CFAP96: variants seen among roughly 807,000 people sequenced by gnomAD.
The protein encoded by CFAP96 is cilia-and flagella-associated protein 96.
chr4:185,445,010 C>G, the CFAP96 span: 63 of 1,551,456 alleles, frequency 4.1e-5, no homozygotes, highest in Admixed American at 5.3e-4. Flanking sequence ...CCATCACATT[C>G]TGCTGACCCT....
chr4:185,432,088 T>A, the CFAP96 span: 1 of 1,551,764 alleles, frequency 6.4e-7, no homozygotes, highest in Non-Finnish European at 8.7e-7. Flanking sequence ...TTGTAAGGAT[T>A]TTTGAAGGTG....
the CFAP96 span, among the ~76,000 whole-genome samples, chr4:185,439,554 CA>C: frequency 6.6e-6 from 1 of 151,856 alleles, no homozygotes; most frequent in African/African-American, 2.4e-5. Flanking sequence ...AAAAAAGTAT[CA>C]ATGTTCACTG....
At chr4:185,416,896 A>G in the CFAP96 span, among the ~76,000 whole-genome samples, 1 of 152,238 alleles carries the variant, frequency 6.6e-6, no homozygotes, top group African/African-American at 2.4e-5. Flanking sequence ...CAGATTTAGA[A>G]AAATCACCAC....
the CFAP96 span, among the ~76,000 whole-genome samples, chr4:185,437,872 A>G: frequency 2.0e-5 from 3 of 152,098 alleles, no homozygotes; most frequent in Non-Finnish European, 2.9e-5. Context: ...TGAAAAATTT[A>G]TCTTGCTTTT....
chr4:185,422,157 C>T, the CFAP96 span, among the ~76,000 whole-genome samples: 1 of 152,198 alleles, frequency 6.6e-6, no homozygotes, highest in African/African-American at 2.4e-5. Flanking sequence ...ATTGTACATA[C>T]ACTTGCAAGT....
chr4:185,429,277 T>C, the CFAP96 span: 1 of 515,422 alleles, frequency 1.9e-6, no homozygotes, highest in Non-Finnish European at 3.3e-6. Context: ...AACTGGAAAT[T>C]AGTAACCACT....
the CFAP96 span, among the ~76,000 whole-genome samples, chr4:185,439,433 A>G: frequency 6.6e-6 from 1 of 152,214 alleles, no homozygotes; most frequent in Non-Finnish European, 1.5e-5. Flanking sequence ...GCAGGTTCCT[A>G]GTAGCGAAAG....
chr4:185,448,022 C>CT, the CFAP96 span, among the ~76,000 whole-genome samples: 3 of 151,998 alleles, frequency 2.0e-5, no homozygotes, highest in Non-Finnish European at 4.4e-5. Context: ...TACGTTTTGT[C>CT]TTTTTTTCCT....
At chr4:185,431,070 C>T in the CFAP96 span, among the ~76,000 whole-genome samples, 1 of 151,972 alleles carries the variant, frequency 6.6e-6, no homozygotes, top group African/African-American at 2.4e-5. Context: ...ATTAACCAGC[C>T]ATGGTGGTGC....
the CFAP96 span, among the ~76,000 whole-genome samples, chr4:185,408,923 TTA>T: frequency 6.6e-6 from 1 of 151,988 alleles, no homozygotes; most frequent in Non-Finnish European, 1.5e-5. Context: ...TCTGTCCTCT[TTA>T]TGTTTTTATT....
At chr4:185,429,620 A>C in the CFAP96 span, 1 of 660,648 alleles carries the variant, frequency 1.5e-6, no homozygotes, top group Non-Finnish European at 2.5e-6. Context: ...ATTTTAAAGC[A>C]TTTAGTTCTA....
chr4:185,447,820 T>C, the CFAP96 span, among the ~76,000 whole-genome samples: 1 of 152,216 alleles, frequency 6.6e-6, no homozygotes, highest in South Asian at 2.1e-4. Flanking sequence ...TCTAAATTGC[T>C]ATGATACCAA....
At chr4:185,438,084 T>C in the CFAP96 span, among the ~76,000 whole-genome samples, 1 of 152,180 alleles carries the variant, frequency 6.6e-6, no homozygotes, top group Non-Finnish European at 1.5e-5. Flanking sequence ...CTTCTTGTGC[T>C]TGAGGTTTAT....
chr4:185,423,398 G>A, the CFAP96 span, among the ~76,000 whole-genome samples: 1 of 152,156 alleles, frequency 6.6e-6, no homozygotes, highest in Non-Finnish European at 1.5e-5. Flanking sequence ...ATATCAACTG[G>A]TGGAATCCTT....
At chr4:185,442,266 T>A in the CFAP96 span, among the ~76,000 whole-genome samples, 351 of 152,244 alleles carry the variant, frequency 2.3e-3, 2 homozygotes, top group African/African-American at 8.1e-3. Flanking sequence ...TTATAAAATT[T>A]ACTCTTTTTT....
chr4:185,447,430 T>C, the CFAP96 span, among the ~76,000 whole-genome samples: 4 of 152,214 alleles, frequency 2.6e-5, no homozygotes, highest in East Asian at 7.7e-4. Context: ...TCCACCCACC[T>C]TGGCCTCCCA....
At chr4:185,444,233 G>T in the CFAP96 span, among the ~76,000 whole-genome samples, 1 of 151,964 alleles carries the variant, frequency 6.6e-6, no homozygotes, top group African/African-American at 2.4e-5. Flanking sequence ...GATTACAGGC[G>T]TGAGCCACCG....
At chr4:185,432,230 T>C in the CFAP96 span, 3 of 1,467,924 alleles carry the variant, frequency 2.0e-6, no homozygotes, top group South Asian at 3.7e-5. Context: ...AAGTCTTAAA[T>C]ATACCTCCTG....
At chr4:185,432,250 C>T in the CFAP96 span, 1 of 1,324,882 alleles carries the variant, frequency 7.5e-7, no homozygotes, top group Non-Finnish European at 1.0e-6. Context: ...GTACCTTTAT[C>T]CCTAAATTAA....
Sources: gnomAD v4.1 joint callset for allele counts (sites outside exome capture counted in the v4.1 genomes callset) on GRCh38, gnomAD v4.1.1 for gene constraint, MANE v1.5 for transcripts, NCBI Gene and HGNC (gene_info 2026-07-23, HGNC 2026-07-21) for gene names.